NINL: variants seen among roughly 807,000 people sequenced by gnomAD.
NINL encodes the protein ninein like.
In NINL, 153 loss-of-function variants were observed where a neutral mutation model predicts 160.3. That is an observed-to-expected ratio of 0.95 (90% CI 0.84 to 1.09). NINL has a LOEUF of 1.09. Among genes scored for constraint, NINL ranks in the 50% least tolerant of loss-of-function variants. The pLI, the probability that NINL is intolerant of heterozygous loss-of-function variation, is 0.00. For missense variants in NINL, 1,829 were observed against 1,764.0 expected (o/e 1.04, Z -0.66); for synonymous variants, 800 against 734.8 (o/e 1.09, Z -1.43).
chr20:25,579,689 G>GCACAGAAGC (rs963423420), intron 1 of NINL, among the ~76,000 whole-genome samples: 2 of 152,144 alleles, frequency 1.3e-5, no homozygotes, highest in Non-Finnish European at 2.9e-5. Flanking sequence ...CTTCAGAGAG[G>GCACAGAAGC]CACAGAAGCC....
At chr20:25,469,012 T>C (rs1443495602) in intron 18 of NINL, among the ~76,000 whole-genome samples, 785 of 29,208 alleles carry the variant, frequency 0.027, no homozygotes, top group Middle Eastern at 0.14. Context: ...TTGCCCTGTC[T>C]CCCGACTCTC....
chr20:25,481,902 C>T, intron 14 of NINL, 66 bp downstream of exon 14: 1 of 1,557,278 alleles, frequency 6.4e-7, no homozygotes, highest in Non-Finnish European at 8.7e-7. Context: ...CTCTCTTTTC[C>T]TGGCTCTGGG....
intron 1 of NINL, among the ~76,000 whole-genome samples, chr20:25,527,276 C>CT (rs1373647840): frequency 6.6e-6 from 1 of 151,990 alleles, no homozygotes; most frequent in African/African-American, 2.4e-5. Context: ...GCCACAGCCT[C>CT]ACAAGTAGCT....
At chr20:25,479,246 T>A (rs368430993) in intron 15 of NINL, 40 bp from the exon 16 acceptor site, 2 of 1,554,170 alleles carry the variant, frequency 1.3e-6, no homozygotes, top group African/African-American at 2.7e-5. Flanking sequence ...CAGGAGACCC[T>A]AAGAATGATC....
In NINL at chr20:25,453,598, G is replaced by A. The variant is rs200042917; in HGVS notation, c.4002C>T (p.Tyr1334=). ...TKSDLLLKEL[Y]VENAHLVRAL... ...CTCTCACCAGGTGGGCGTTCTCCAC[G>A]TACAGCTCCTTCAGCAGCAGGTCGG... The change falls in exon 24 of 24, where the codon TAC becomes TAT. Residue 1334 remains tyrosine, a synonymous_variant. Coordinates refer to ENST00000278886, the MANE Select transcript of NINL (RefSeq NM_025176.6). 4.2e-5 allele frequency: 68 copies of A among 1,612,632 alleles called. No homozygotes were observed. The Middle Eastern group carries it at 6.6e-4, about 16-fold the overall frequency.
intron 19 of NINL, among the ~76,000 whole-genome samples, chr20:25,465,812 C>A (rs1296293161): frequency 1.3e-5 from 2 of 152,114 alleles, no homozygotes; most frequent in African/African-American, 2.4e-5. Context: ...CCAGCTGCAC[C>A]CTACTGCCAG....
intron 1 of NINL, among the ~76,000 whole-genome samples, chr20:25,529,197 C>T (rs2064408164): frequency 6.6e-6 from 1 of 151,966 alleles, no homozygotes; most frequent in East Asian, 1.9e-4. Flanking sequence ...TAGCTTGAGC[C>T]CAGGATTCAA....
chr20:25,465,159 C>T lies in NINL; in HGVS notation c.3423+2230G>A, dbSNP rs572567627. Among the ~76,000 whole-genome samples the T allele has an allele frequency of 2.3e-4, 35 of 152,324 alleles. 1 individual carries two copies. In the South Asian group the frequency reaches 3.7e-3, roughly 16 times the overall value. On this transcript the variant is annotated intron_variant, in intron 19 of 23. Coordinates refer to ENST00000278886, the MANE Select transcript of NINL (RefSeq NM_025176.6). ...GTTTACAAGGCAGACAAGTGACATA[C>T]GACCAGAGTAGCCTACACTCTCAGA...
In NINL at chr20:25,566,639, T is replaced by C. The variant is rs1600355081; in HGVS notation, c.-12+18816A>G. Among the ~76,000 whole-genome samples the C allele has an allele frequency of 4.6e-5, 7 of 152,146 alleles. 1 individual carries two copies. In the South Asian group the frequency reaches 1.5e-3, roughly 32 times the overall value. ...AAGAAAATGCTAGAGATCAAAAACA[T>C]TGTAACAGACCCGGCATGGTAACTC... On this transcript the variant is annotated intron_variant, in intron 1 of 23. Transcript: ENST00000278886.
At chr20:25,469,738 C>T (rs1001544625) in intron 18 of NINL, among the ~76,000 whole-genome samples, 8 of 152,186 alleles carry the variant, frequency 5.3e-5, no homozygotes, top group Admixed American at 4.6e-4. Flanking sequence ...CCCGACCATG[C>T]TGTGGGCACT....
chr20:25,557,967 A>G (rs1258389610), intron 1 of NINL, among the ~76,000 whole-genome samples: 1 of 73,688 alleles, frequency 1.4e-5, no homozygotes, highest in Non-Finnish European at 2.9e-5. Context: ...CGTCTCTACT[A>G]AAAATACAAA....
At position 25,525,242 on chromosome 20, in the gene NINL, C is replaced by T. The variant is rs556787905; in HGVS notation, c.180+1166G>A. On this transcript the variant is annotated intron_variant, in intron 2 of 23. Transcript: ENST00000278886. Reference sequence around the variant, plus strand: ...CTTCTTTGAGGAACTAACAAGAAGTCGGATTCAACCAGACTCTCTACTAGG... The same window carrying T: ...CTTCTTTGAGGAACTAACAAGAAGTTGGATTCAACCAGACTCTCTACTAGG... 5.3e-5 allele frequency among the ~76,000 whole-genome samples: 8 copies of T among 152,290 alleles called. No individual in the cohort carries two copies. In the East Asian group the frequency reaches 9.6e-4, roughly 18 times the overall value.
intron 5 of NINL, among the ~76,000 whole-genome samples, chr20:25,505,336 T>TG (rs61161192): frequency 0.21 from 21,878 of 106,352 alleles, 2,260 homozygotes; most frequent in East Asian, 0.57. Flanking sequence ...AGATGCTGGT[T>TG]GGGGGGGGGT....
At position 25,479,310 on chromosome 20, in the gene NINL, C is replaced by A. The variant is rs2063337806; in HGVS notation, c.1918-104G>T. ...AGCTGCCTGGCACAACGTGCAAAGA[C>A]CGGCATCCTGGCCTGCCGAGGTGCC... On this transcript the variant is annotated intron_variant, in intron 15 of 23. Coordinates refer to ENST00000278886, the MANE Select transcript of NINL (RefSeq NM_025176.6). 4 of 1,444,000 alleles carry A rather than the reference C, an allele frequency of 2.8e-6. No individual in the cohort carries two copies. In the South Asian group the frequency reaches 5.4e-5, roughly 19 times the overall value. The allele number at this position is 1,444,000 out of a possible 1,614,324, so 89.4% of individuals were successfully genotyped here. A position where few individuals can be genotyped will look rare whatever the true frequency, so the allele number is the denominator to read the frequency against.
intron 1 of NINL, among the ~76,000 whole-genome samples, chr20:25,570,119 G>A (rs751705022): frequency 6.6e-6 from 1 of 152,206 alleles, no homozygotes; most frequent in Non-Finnish European, 1.5e-5. Context: ...GGCAGAGGGT[G>A]CAGTGAGCTG....
intron 1 of NINL, among the ~76,000 whole-genome samples, chr20:25,568,302 C>CATAA (rs939520180): frequency 3.4e-4 from 52 of 151,394 alleles, no homozygotes; most frequent in African/African-American, 1.1e-3. Context: ...ATTCTGCAGG[C>CATAA]ATAATAGGAT....
At chr20:25,456,409 A>C (rs1257573511) in intron 22 of NINL, among the ~76,000 whole-genome samples, 4 of 141,682 alleles carry the variant, frequency 2.8e-5, no homozygotes, top group Non-Finnish European at 4.6e-5. Context: ...TCAGCCGGGC[A>C]TGGTAGCGGG....
intron 23 of NINL, among the ~76,000 whole-genome samples, chr20:25,455,109 A>C (rs1326108234): frequency 6.6e-6 from 1 of 152,076 alleles, no homozygotes; most frequent in African/African-American, 2.4e-5. Context: ...AGACACGAGG[A>C]GATGTGTGCA....
rs143268598 is a variant in NINL at position 25,512,901 on chromosome 20, G to A, written c.383C>T (p.Pro128Leu). 1.8e-4 allele frequency: 293 copies of A among 1,614,174 alleles called. No individual in the cohort carries two copies. In the African/African-American group the frequency reaches 3.2e-3, roughly 17 times the overall value. The change falls in exon 4 of 24, where the codon CCG becomes CTG. Residue 128 changes from proline (P) to leucine (L), a missense_variant. Pro to Leu is a moderately conservative substitution (Grantham distance 98). Transcript: ENST00000278886. ...CDAATEARRVPEQQTQASLKS... is the reference protein window; with the variant it reads ...CDAATEARRVLEQQTQASLKS... ...CAGGCTGGCCTGGGTTTGCTGCTCC[G>A]GCACGCGTCTGGCTTCTGTGGCAGC...
Sources: gnomAD v4.1 joint callset for allele counts (sites outside exome capture counted in the v4.1 genomes callset) on GRCh38, gnomAD v4.1.1 for gene constraint, MANE v1.5 for transcripts, NCBI Gene and HGNC (gene_info 2026-07-23, HGNC 2026-07-21) for gene names.